Variants in CPM observed in about 807,000 individuals in gnomAD.
The protein encoded by CPM is renal carboxypeptidase.
A neutral mutation model predicts 46.4 loss-of-function variants in CPM; 35 were observed. The ratio of observed to expected loss-of-function variants is 0.75; its 90% CI spans 0.58 to 1.00. CPM has a LOEUF of 1.00. Ranked by LOEUF, CPM falls within the 50% of genes least tolerant of loss-of-function variation. The pLI is 0.00. For missense variants in CPM, 422 were observed against 530.4 expected, an observed-to-expected ratio of 0.80 and a Z score of 2.01; for synonymous variants, 195 against 195.3, an observed-to-expected ratio of 1.00 and a Z score of 0.01.
At chr12:68,883,429 T>C (rs1457628401) in intron 3 of CPM, among the ~76,000 whole-genome samples, 1 of 152,124 alleles carries the variant, frequency 6.6e-6, no homozygotes, top group East Asian at 1.9e-4. Context: ...AATTTCTTAC[T>C]AGCCCCATAG....
intron 2 of CPM, among the ~76,000 whole-genome samples, chr12:68,890,759 G>A (rs957592748): frequency 1.9e-4 from 29 of 152,236 alleles, no homozygotes; most frequent in African/African-American, 7.0e-4. Flanking sequence ...ACCCCACCGG[G>A]ACATTCCACA....
chr12:68,859,173 C>G (rs946998520), intron 7 of CPM, 102 bp from the exon 8 acceptor site: 2 of 618,808 alleles, frequency 3.2e-6, no homozygotes, highest in Non-Finnish European at 4.7e-6. Context: ...TATTAGCTAA[C>G]TCAATGTTGT....
intron 2 of CPM, among the ~76,000 whole-genome samples, chr12:68,887,453 T>C (rs1243696501): frequency 6.6e-6 from 1 of 152,330 alleles, no homozygotes; most frequent in East Asian, 1.9e-4. Context: ...CTTGTTATTT[T>C]CAACATTTAT....
chr12:68,918,991 G>T (rs1220602513), intron 2 of CPM, among the ~76,000 whole-genome samples: 1 of 152,118 alleles, frequency 6.6e-6, no homozygotes, highest in Non-Finnish European at 1.5e-5. Flanking sequence ...CTTCCAACTT[G>T]CTCAAAGACC....
At chr12:68,958,844 T>C (rs1480771215) in intron 1 of CPM, among the ~76,000 whole-genome samples, 1 of 152,178 alleles carries the variant, frequency 6.6e-6, no homozygotes, top group Non-Finnish European at 1.5e-5. Flanking sequence ...TTGGTAACAC[T>C]ATGTTATAGC....
chr12:68,946,093 TG>T (rs1232922358), intron 1 of CPM, among the ~76,000 whole-genome samples: 1 of 152,072 alleles, frequency 6.6e-6, no homozygotes, highest in Admixed American at 6.6e-5. Flanking sequence ...TGGGCTCAAG[TG>T]ATTCATCCTC....
chr12:68,927,852 G>C (rs1157959315), intron 2 of CPM, among the ~76,000 whole-genome samples: 1 of 152,080 alleles, frequency 6.6e-6, no homozygotes, highest in Non-Finnish European at 1.5e-5. Context: ...ACAAACCACT[G>C]CTCAATGAAA....
intron 1 of CPM, among the ~76,000 whole-genome samples, chr12:68,957,082 G>GAC (rs1288932111): frequency 1.3e-5 from 2 of 152,202 alleles, no homozygotes; most frequent in African/African-American, 4.8e-5. Context: ...AGGAAGGGTA[G>GAC]ACATCATCTT....
At chr12:68,893,755 C>T (rs1215915475) in intron 2 of CPM, among the ~76,000 whole-genome samples, 1 of 152,172 alleles carries the variant, frequency 6.6e-6, no homozygotes, top group African/African-American at 2.4e-5. Context: ...TGGAATTTCC[C>T]GTTGCACAGA....
At chr12:68,910,502 C>T (rs1042305507) in intron 2 of CPM, among the ~76,000 whole-genome samples, 3 of 152,172 alleles carry the variant, frequency 2.0e-5, no homozygotes, top group Non-Finnish European at 4.4e-5. Context: ...GTAAAATACT[C>T]CATTGACTGG....
intron 2 of CPM, among the ~76,000 whole-genome samples, chr12:68,925,364 AC>A (rs1299281179): frequency 1.3e-5 from 2 of 152,206 alleles, no homozygotes; most frequent in Admixed American, 1.3e-4. Context: ...ACCCATGGTC[AC>A]GTAGCTACAA....
chr12:68,883,458 C>T (rs536605678), intron 3 of CPM, among the ~76,000 whole-genome samples: 23 of 152,258 alleles, frequency 1.5e-4, no homozygotes, highest in East Asian at 5.8e-4. Flanking sequence ...GACATTGCCA[C>T]GAGCTGGGTC....
At chr12:68,961,159 T>A (rs552671885) in intron 1 of CPM, among the ~76,000 whole-genome samples, 66 of 151,802 alleles carry the variant, frequency 4.3e-4, no homozygotes, top group Non-Finnish European at 5.9e-4. Flanking sequence ...CTTAAAAAAA[T>A]TTTTTTTTGA....
At chr12:68,885,052 T>C (rs1207144186) in intron 3 of CPM, among the ~76,000 whole-genome samples, 1 of 152,192 alleles carries the variant, frequency 6.6e-6, no homozygotes, top group Non-Finnish European at 1.5e-5. Context: ...CAAGCAATTC[T>C]CCTGCCTCAG....
downstream of CPM, chr12:68,846,571 C>T (rs1348090278): frequency 6.6e-6 from 1 of 152,114 alleles, no homozygotes; most frequent in African/African-American, 2.4e-5. Flanking sequence ...GATTTCACTA[C>T]GTTTGGTCCT....
intron 2 of CPM, among the ~76,000 whole-genome samples, chr12:68,916,219 A>G (rs1678719197): frequency 6.6e-6 from 1 of 152,192 alleles, no homozygotes; most frequent in Non-Finnish European, 1.5e-5. Flanking sequence ...TACATTCTGA[A>G]TAATTAATGC....
At chr12:68,919,713 C>T (rs919172535) in intron 2 of CPM, among the ~76,000 whole-genome samples, 1 of 152,190 alleles carries the variant, frequency 6.6e-6, no homozygotes, top group African/African-American at 2.4e-5. Flanking sequence ...TCTGTTTCTT[C>T]ATAAATTGAA....
At chr12:68,878,020 G>A (rs757881453) in intron 3 of CPM, among the ~76,000 whole-genome samples, 1 of 152,026 alleles carries the variant, frequency 6.6e-6, no homozygotes, top group Non-Finnish European at 1.5e-5. Context: ...TATTACCCAG[G>A]GAATGTTTTC....
chr12:68,884,289 G>A (rs529035868), intron 3 of CPM, among the ~76,000 whole-genome samples: 11 of 152,206 alleles, frequency 7.2e-5, no homozygotes, highest in Admixed American at 2.0e-4. Context: ...GAAGCCGCCC[G>A]TGATGCTCAA....
Sources: gnomAD v4.1 joint callset for allele counts (sites outside exome capture counted in the v4.1 genomes callset) on GRCh38, gnomAD v4.1.1 for gene constraint, MANE v1.5 for transcripts, NCBI Gene and HGNC (gene_info 2026-07-23, HGNC 2026-07-21) for gene names.